The following ZMIZ2 variants were observed in gnomAD, a reference collection of about 807,000 sequenced individuals.
ZMIZ2 encodes zinc finger MIZ domain-containing protein 2.
A neutral mutation model predicts 93.9 loss-of-function variants in ZMIZ2; 26 were observed. The observed-to-expected ratio is 0.28, with a 90% CI of 0.20 to 0.38. ZMIZ2 has a LOEUF of 0.38. Ranked by LOEUF, ZMIZ2 falls within the 10% of genes least tolerant of loss-of-function variation. The pLI is 1.00. For synonymous variants in ZMIZ2, 485 were observed against 516.4 expected (o/e 0.94, Z 0.82); for missense variants, 1,023 against 1,235.0 (o/e 0.83, Z 2.57).
At chr7:44,760,027 A>T in intron 7 of ZMIZ2, 124 bp from the exon 8 acceptor site, 1 of 979,208 alleles carries the variant, frequency 1.0e-6, no homozygotes, top group Non-Finnish European at 1.6e-6. Context: ...TTACTTGTAG[A>T]TTATTTGGAA....
At chr7:44,762,062 C>A in intron 11 of ZMIZ2, 157 bp downstream of exon 11, 3 of 1,003,834 alleles carry the variant, frequency 3.0e-6, no homozygotes, top group Non-Finnish European at 4.1e-6. Context: ...CGGCCTGCAG[C>A]ACCATCAGAT....
In ZMIZ2 at chr7:44,756,450, G is replaced by A. The variant is rs749158165; in HGVS notation, c.76G>A (p.Val26Met). 2 of 1,614,052 alleles carry A rather than the reference G, an allele frequency of 1.2e-6. No homozygotes were observed. Among genetic ancestry groups the A allele is most frequent in the Middle Eastern group, 1.6e-4 (1 of 6,062 alleles). Residue 26 changes from valine (V) to methionine (M), a missense_variant, in exon 3 of 19, where the codon GTG becomes ATG. Val to Met is a conservative substitution (Grantham distance 21). Around this residue, in one of 3 missense-constraint regions of ZMIZ2, gnomAD observed 656 missense variants for 777.1 expected, o/e 0.84. Coordinates refer to ENST00000309315, the MANE Select transcript of ZMIZ2 (RefSeq NM_031449.4). ...HGDGSFAYES[V>M]PWQQSATQPA... Reference sequence around the variant, plus strand: ...TGATGGTTCATTCGCATATGAGTCTGTGCCTTGGCAACAAAGCGCCACTCA... The same window carrying A: ...TGATGGTTCATTCGCATATGAGTCTATGCCTTGGCAACAAAGCGCCACTCA...
At chr7:44,749,646 C>T (rs76574486) in intron 1 of ZMIZ2, among the ~76,000 whole-genome samples, 1,821 of 152,302 alleles carry the variant, frequency 0.012, 38 homozygotes, top group African/African-American at 0.042. Flanking sequence ...GTGTCCTTCA[C>T]CGCGGCACCC....
chr7:44,748,985 G>T lies in ZMIZ2; in HGVS notation c.-69G>T. 6.6e-6 allele frequency: 1 copy of T among 150,546 alleles called. No individual in the cohort carries two copies. 9.3% of individuals were successfully genotyped at this position (150,546 alleles called of 1,614,324 possible). The stretch of plus-strand genomic sequence containing the variant: ...CACGGCGAGGGGCCGGGCCAGGCCG[G>T]GCGGAGGTGAGCGGGGTCCTGGGGG... On this transcript the variant is annotated 5_prime_UTR_variant, in exon 1 of 19. Coordinates refer to ENST00000309315, the MANE Select transcript of ZMIZ2 (RefSeq NM_031449.4).
In ZMIZ2 at chr7:44,765,876, TG is replaced by T; in HGVS notation, c.2243-284del. 2 of 1,327,590 alleles carry T rather than the reference TG, an allele frequency of 1.5e-6. No homozygotes were observed. The highest frequency in any genetic ancestry group is 2.0e-6 in the Non-Finnish European group (2 of 1,018,320). The allele number at this position is 1,327,590 out of a possible 1,614,324, so 82.2% of individuals were successfully genotyped here. A position where few individuals can be genotyped will look rare whatever the true frequency, so the allele number is the denominator to read the frequency against. ...AACACCTCACAGGACTGGCCCCATC[TG>T]GGGCCCCCCTCTGGGACCCACCTCA... On this transcript the variant is annotated intron_variant, in intron 16 of 18. Coordinates refer to ENST00000309315, the MANE Select transcript of ZMIZ2 (RefSeq NM_031449.4). The surrounding 1 kb of genome is among the most constrained non-coding windows in gnomAD (Gnocchi z 4.1).
chr7:44,758,563 A>G (rs1790827586), intron 6 of ZMIZ2, among the ~76,000 whole-genome samples: 1 of 150,246 alleles, frequency 6.7e-6, no homozygotes, highest in Non-Finnish European at 1.5e-5. Flanking sequence ...ATCACTTGAG[A>G]TCAGGAGTTC....
intron 11 of ZMIZ2, among the ~76,000 whole-genome samples, chr7:44,762,150 T>G (rs1791259644): frequency 6.6e-6 from 1 of 152,254 alleles, no homozygotes; most frequent in Non-Finnish European, 1.5e-5. Flanking sequence ...GAGCAGGACG[T>G]GGGGGCTTTA....
In ZMIZ2 at chr7:44,762,872, G is replaced by T; in HGVS notation, c.1597-9G>T. 1 of 1,599,484 alleles carries T rather than the reference G, an allele frequency of 6.3e-7. No homozygotes were observed. Among genetic ancestry groups the T allele is most frequent in the Non-Finnish European group, 8.5e-7 (1 of 1,170,094 alleles). ...GTCCCCCTGATGACATCCTCCCGTTGTATTGCAGTCCCACCTCTTCGTGCT... is the reference window on the plus strand; with the variant it reads ...GTCCCCCTGATGACATCCTCCCGTTTTATTGCAGTCCCACCTCTTCGTGCT... On this transcript the variant is annotated splice_polypyrimidine_tract_variant and intron_variant, in intron 11 of 18. Transcript: ENST00000309315.
At chr7:44,759,173 G>C (rs1295696736) in intron 6 of ZMIZ2, 108 bp from the exon 7 acceptor site, 4 of 1,058,960 alleles carry the variant, frequency 3.8e-6, no homozygotes, top group Middle Eastern at 2.3e-4. Context: ...AAGGGAACCA[G>C]GAAATCTCCA....
Position 44,766,308 on chromosome 7 carries a change from A to G in ZMIZ2, c.2387A>G (p.Lys796Arg). 1 of 1,595,390 alleles carries G rather than the reference A, an allele frequency of 6.3e-7. No individual in the cohort carries two copies. Among genetic ancestry groups the G allele is most frequent in the Non-Finnish European group, 8.5e-7 (1 of 1,171,544 alleles). The change falls in exon 17 of 19, where the codon AAG (lysine) becomes AGG (arginine). Residue 796 changes from lysine to arginine, a missense_variant. By Grantham distance (26) the Lys-to-Arg change is conservative. Transcript: ENST00000309315. The surrounding 1 kb of genome is among the most constrained non-coding windows in gnomAD (Gnocchi z 4.4). Reference sequence around the variant, plus strand: ...CCCAGCAGCCTCCTGACTTCAGAGAAGTCTACCGCCTGCCTCCCAAGCCAG... The same window carrying G: ...CCCAGCAGCCTCCTGACTTCAGAGAGGTCTACCGCCTGCCTCCCAAGCCAG... ...DIPSSLLTSEKSTACLPSQMA... is the reference protein window; with the variant it reads ...DIPSSLLTSERSTACLPSQMA...
chr7:44,758,603 G>T (rs546062469), intron 6 of ZMIZ2, among the ~76,000 whole-genome samples: 1 of 151,170 alleles, frequency 6.6e-6, no homozygotes, highest in South Asian at 2.1e-4. Context: ...TGGTGAAACC[G>T]CATGTCTACT....
Position 44,759,425 on chromosome 7 carries a change from C to G in ZMIZ2, c.958C>G (p.Leu320Val). ...LPLQQGMTQS[L>V]SVPGPTGLHY... ...CCTGCAGCAGGGCATGACCCAGTCC[C>G]TGTCCGTGCCTGGCCCCACGGGACT... is the stretch of plus-strand genomic sequence containing the variant. Residue 320 changes from leucine (L) to valine (V), a missense_variant, in exon 7 of 19, where the codon CTG becomes GTG. Around this residue, in one of 3 missense-constraint regions of ZMIZ2, gnomAD observed 656 missense variants for 777.1 expected, o/e 0.84. Coordinates refer to ENST00000309315, the MANE Select transcript of ZMIZ2 (RefSeq NM_031449.4). 1 of 1,585,788 alleles carries G rather than the reference C, an allele frequency of 6.3e-7. No homozygotes were observed. Among genetic ancestry groups the G allele is most frequent in the Non-Finnish European group, 8.6e-7 (1 of 1,166,254 alleles).
chr7:44,761,868 G>T lies in ZMIZ2; in HGVS notation c.1559G>T (p.Arg520Leu). Residue 520 changes from arginine (R) to leucine (L), a missense_variant, in exon 11 of 19, where the codon CGC (arginine) becomes CTC (leucine). Physicochemically the swap from Arg to Leu is moderately radical, Grantham distance 102. Coordinates refer to ENST00000309315, the MANE Select transcript of ZMIZ2 (RefSeq NM_031449.4). The surrounding 1 kb of genome is among the most constrained non-coding windows in gnomAD (Gnocchi z 5.8). ...CTGAAGCATGTGTGCCAGCCAGGCC[G>T]CAACACCATCCAGATCACCGTCACC... ...LYLKHVCQPG[R>L]NTIQITVTAC... 6.2e-7 allele frequency: 1 copy of T among 1,613,848 alleles called. No homozygotes were observed. Among genetic ancestry groups the T allele is most frequent in the Non-Finnish European group, 8.5e-7 (1 of 1,180,032 alleles).
In ZMIZ2 at chr7:44,759,278, C is replaced by T. The variant is rs1184364159; in HGVS notation, c.814-3C>T. ...CCCCTCGGGCATTTTGCCTCTTTTT[C>T]AGGTGTATCCAGGGCAGCAGTATCT... On this transcript the variant is annotated splice_polypyrimidine_tract_variant and splice_region_variant and intron_variant, in intron 6 of 18. Transcript: ENST00000309315. The T allele has an allele frequency of 6.7e-6, 10 of 1,501,404 alleles. No individual in the cohort carries two copies. The highest frequency in any genetic ancestry group is 8.0e-6 in the Non-Finnish European group (9 of 1,122,940). 93.0% of individuals were successfully genotyped at this position (1,501,404 alleles called of 1,614,324 possible). A position where few individuals can be genotyped will look rare whatever the true frequency, so the allele number is the denominator to read the frequency against.
rs1050390416 is a variant in ZMIZ2 at position 44,768,740 on chromosome 7, G to A, written c.*1117G>A. On this transcript the variant is annotated 3_prime_UTR_variant, in exon 19 of 19. Coordinates refer to ENST00000309315, the MANE Select transcript of ZMIZ2 (RefSeq NM_031449.4). ...TGCTCCCAGGGACTATTTTCTCCTC[G>A]TAAGCCAGCGACCTGCCTAAAGCTT... 3.9e-5 allele frequency: 6 copies of A among 152,264 alleles called. No homozygotes were observed. The East Asian group carries it at 5.8e-4, about 15-fold the overall frequency. The allele number at this position is 152,264 out of a possible 1,614,324, so 9.4% of individuals were successfully genotyped here.
At chr7:44,756,683 C>T (rs987943133) in intron 3 of ZMIZ2, 144 bp downstream of exon 3, 1 of 857,588 alleles carries the variant, frequency 1.2e-6, no homozygotes, top group East Asian at 2.6e-5. Context: ...GAGGATGGGG[C>T]CTCCTGAGTC....
At chr7:44,764,111 C>G (rs1294489962) in intron 13 of ZMIZ2, among the ~76,000 whole-genome samples, 2 of 152,170 alleles carry the variant, frequency 1.3e-5, no homozygotes, top group African/African-American at 4.8e-5. Context: ...GCATTCCAGC[C>G]TGGGTGACAG....
At position 44,767,694 on chromosome 7, in the gene ZMIZ2, G is replaced by A. The variant is rs531777219; in HGVS notation, c.*71G>A. ...ACCACAGCCCTGCCCTTCATGCCCA[G>A]CCCCATGGGACACCCGGTGGTCTTT... On this transcript the variant is annotated 3_prime_UTR_variant, in exon 19 of 19. Transcript: ENST00000309315. The A allele has an allele frequency of 2.2e-6, 3 of 1,383,886 alleles. No individual in the cohort carries two copies. 85.7% of individuals were successfully genotyped at this position (1,383,886 alleles called of 1,614,324 possible).
At chr7:44,758,397 GA>G (rs1376164000) in intron 6 of ZMIZ2, among the ~76,000 whole-genome samples, 1 of 150,758 alleles carries the variant, frequency 6.6e-6, no homozygotes, top group East Asian at 2.0e-4. Context: ...CCTGAACCCA[GA>G]AAGTTGAGGG....
Sources: allele counts gnomAD v4.1 joint callset (sites outside exome capture counted in the v4.1 genomes callset), GRCh38; gene constraint gnomAD v4.1.1; regional missense constraint gnomAD v4.1.1; non-coding constraint Gnocchi (gnomAD v3.1); transcripts MANE v1.5; gene names NCBI Gene and HGNC (gene_info 2026-07-23, HGNC 2026-07-21).